The following SPAG9 variants were observed in gnomAD, a reference collection of about 807,000 sequenced individuals.
The protein encoded by SPAG9 is sperm associated antigen 9, also known as C-Jun-amino-terminal kinase-interacting protein 4.
A neutral mutation model predicts 166.5 loss-of-function variants in SPAG9; 35 were observed. The observed-to-expected ratio is 0.21, with a 90% CI of 0.16 to 0.28. SPAG9 has a LOEUF of 0.28. SPAG9 is among the 10% of genes least tolerant of loss of function. SPAG9 has a pLI of 1.00. For synonymous variants in SPAG9, 534 were observed against 565.5 expected (o/e 0.94, Z 0.79); for missense variants, 1,235 against 1,603.3 (o/e 0.77, Z 3.92).
At chr17:50,974,241 T>A (rs1974056134) in intron 28 of SPAG9, among the ~76,000 whole-genome samples, 2 of 152,206 alleles carry the variant, frequency 1.3e-5, no homozygotes, top group South Asian at 4.1e-4. Context: ...TCATAACAAA[T>A]GAAGTAGGCA....
intron 20 of SPAG9, 62 bp downstream of exon 20, chr17:50,990,388 A>T: frequency 3.3e-6 from 4 of 1,196,708 alleles, no homozygotes; most frequent in Non-Finnish European, 5.0e-6. Context: ...TAAGTCCATA[A>T]TGAGGCATCT....
chr17:51,090,174 T>C (rs1425062420), intron 1 of SPAG9, among the ~76,000 whole-genome samples: 1 of 151,888 alleles, frequency 6.6e-6, no homozygotes, highest in African/African-American at 2.4e-5. Context: ...AACTATAAAC[T>C]AAAGAATAAG....
chr17:50,985,064 T>G (rs1156229442), intron 23 of SPAG9, 74 bp from the exon 24 acceptor site: 2 of 1,329,018 alleles, frequency 1.5e-6, no homozygotes, highest in African/African-American at 1.4e-5. Flanking sequence ...CTGAACTAGT[T>G]CAAGGCCTCA....
At chr17:51,012,913 A>C (rs1257984996) in intron 9 of SPAG9, among the ~76,000 whole-genome samples, 3 of 151,610 alleles carry the variant, frequency 2.0e-5, no homozygotes, top group Non-Finnish European at 4.4e-5. Context: ...TGCCTGGCTA[A>C]TTTTGATATT....
chr17:51,031,662 T>C lies in SPAG9; in HGVS notation c.783+19A>G. ...CTTTAGTATACTTTTTGCAAAATGT[T>C]AAGAAGCACCATTCTCACCTCCTGT... On this transcript the variant is annotated intron_variant, in intron 6 of 29. Coordinates refer to ENST00000262013, the MANE Select transcript of SPAG9 (RefSeq NM_001130528.3). 1 of 1,546,978 alleles carries C rather than the reference T, an allele frequency of 6.5e-7. No homozygotes were observed.
intron 6 of SPAG9, among the ~76,000 whole-genome samples, chr17:51,030,100 A>C (rs778826701): frequency 2.0e-5 from 3 of 152,208 alleles, no homozygotes; most frequent in Non-Finnish European, 2.9e-5. Flanking sequence ...CTAAAAGTCT[A>C]TAAGCTCTTC....
chr17:51,053,853 AAGTATATATATATATAT>A (rs1449301608), intron 3 of SPAG9, among the ~76,000 whole-genome samples: 4 of 56,154 alleles, frequency 7.1e-5, no homozygotes, highest in East Asian at 4.9e-4. Context: ...AAAAAAAAAA[AAGTATATATATATATAT>A]ATATATATAT....
intron 5 of SPAG9, among the ~76,000 whole-genome samples, chr17:51,032,802 C>A (rs549926835): frequency 6.6e-6 from 1 of 151,926 alleles, no homozygotes; most frequent in African/African-American, 2.4e-5. Flanking sequence ...GGCGTTGTGG[C>A]GGGCTCCTGT....
intron 1 of SPAG9, among the ~76,000 whole-genome samples, chr17:51,110,456 C>A (rs532353272): frequency 6.6e-6 from 1 of 150,860 alleles, no homozygotes; most frequent in Admixed American, 6.6e-5. Flanking sequence ...TTTGGGAGGC[C>A]GAGGCAGGCA....
intron 6 of SPAG9, among the ~76,000 whole-genome samples, chr17:51,023,832 T>C (rs1251522172): frequency 6.6e-6 from 1 of 152,110 alleles, no homozygotes; most frequent in Non-Finnish European, 1.5e-5. Context: ...GCCCCACTAA[T>C]TTTTTGTATT....
In SPAG9 at chr17:51,021,947, A is replaced by T. The variant is rs557974756; in HGVS notation, c.784-582T>A. Among the ~76,000 whole-genome samples, 21 of 152,044 alleles carry T rather than the reference A, an allele frequency of 1.4e-4. No individual in the cohort carries two copies. In the East Asian group the frequency reaches 2.9e-3, roughly 21 times the overall value. On this transcript the variant is annotated intron_variant, in intron 6 of 29. Transcript: ENST00000262013. ...AGACCAGCCTGGCCAACATGGTGAAACCCCGTCTCTACTAAAAATACAAAA... is the reference window on the plus strand; with the variant it reads ...AGACCAGCCTGGCCAACATGGTGAATCCCCGTCTCTACTAAAAATACAAAA...
At chr17:51,113,450 C>A (rs2049184241) in intron 1 of SPAG9, among the ~76,000 whole-genome samples, 1 of 150,696 alleles carries the variant, frequency 6.6e-6, no homozygotes, top group South Asian at 2.1e-4. Flanking sequence ...GAGGCCAAGG[C>A]AGGTGGATCA....
At chr17:51,020,700 A>G (rs113148552) in intron 7 of SPAG9, among the ~76,000 whole-genome samples, 6 of 152,290 alleles carry the variant, frequency 3.9e-5, no homozygotes, top group African/African-American at 1.4e-4. Flanking sequence ...CTTATTTACA[A>G]TTGAATACAA....
intron 5 of SPAG9, among the ~76,000 whole-genome samples, chr17:51,036,740 G>A (rs554142853): frequency 2.2e-4 from 33 of 152,102 alleles, no homozygotes; most frequent in African/African-American, 8.0e-4. Context: ...TACCCCATAT[G>A]GATTACCCTT....
chr17:50,989,262 G>T (rs1975334727), intron 21 of SPAG9, among the ~76,000 whole-genome samples: 1 of 152,210 alleles, frequency 6.6e-6, no homozygotes, highest in Admixed American at 6.5e-5. Flanking sequence ...ATTCAGTACA[G>T]TAACATGCTG....
intron 9 of SPAG9, among the ~76,000 whole-genome samples, chr17:51,010,453 G>C (rs2045421340): frequency 6.6e-6 from 1 of 151,830 alleles, no homozygotes; most frequent in South Asian, 2.1e-4. Flanking sequence ...AAAGTATGAA[G>C]AGTGGTATAA....
intron 2 of SPAG9, among the ~76,000 whole-genome samples, chr17:51,068,017 G>C (rs1446189627): frequency 1.3e-5 from 2 of 152,088 alleles, no homozygotes; most frequent in Non-Finnish European, 2.9e-5. Context: ...ATAGGCCTAC[G>C]GGGGGAAGAA....
chr17:51,018,411 GC>G (rs1818420275), intron 8 of SPAG9, among the ~76,000 whole-genome samples: 1 of 151,726 alleles, frequency 6.6e-6, no homozygotes, highest in Non-Finnish European at 1.5e-5. Context: ...CCACTAAACA[GC>G]CTTCCCATGT....
intron 3 of SPAG9, among the ~76,000 whole-genome samples, chr17:51,055,938 A>C (rs1414891885): frequency 6.6e-6 from 1 of 152,198 alleles, no homozygotes; most frequent in Non-Finnish European, 1.5e-5. Context: ...CCTACTTTTG[A>C]GTTATTTTAA....
Sources: allele counts gnomAD v4.1 joint callset (sites outside exome capture counted in the v4.1 genomes callset), GRCh38; gene constraint gnomAD v4.1.1; transcripts MANE v1.5; gene names NCBI Gene and HGNC (gene_info 2026-07-23, HGNC 2026-07-21).